The following CLCN3 variants were observed in gnomAD, a reference collection of about 807,000 sequenced individuals.
CLCN3 encodes the protein H(+)/Cl(-) exchange transporter 3.
Under a neutral mutation model 83.4 loss-of-function variants are expected in CLCN3, and 16 were observed. The observed-to-expected ratio is 0.19, with a 90% CI of 0.13 to 0.29. The LOEUF (loss-of-function observed/expected upper bound fraction) is 0.29, where lower values mean the gene tolerates loss of function less well. CLCN3 is among the 10% of genes least tolerant of loss of function. The probability of loss-of-function intolerance (pLI) is 1.00; values close to 1 mark genes in which losing one functional copy is unlikely to be tolerated. For missense variants in CLCN3, 544 were observed against 1,006.0 expected (o/e 0.54, Z 6.21); for synonymous variants, 322 against 346.2 (o/e 0.93, Z 0.78).
chr4:169,673,048 G>A (rs1731539512), intron 2 of CLCN3, among the ~76,000 whole-genome samples: 1 of 152,168 alleles, frequency 6.6e-6, no homozygotes, highest in Non-Finnish European at 1.5e-5. Flanking sequence ...TAAAGCTATT[G>A]TTATTGTTAG....
chr4:169,670,092 A>G (rs189273504), intron 2 of CLCN3, among the ~76,000 whole-genome samples: 12 of 152,234 alleles, frequency 7.9e-5, no homozygotes, highest in Admixed American at 2.0e-4. Flanking sequence ...TTCTGATGAT[A>G]GTTTCTTTTA....
rs1468702208 is a variant in CLCN3 at position 169,721,207 on chromosome 4, A to G, written c.*1210A>G. Reference sequence around the variant, plus strand: ...TATATTTTTATGGATTAAAATTTATAAAATACAGATCAGTTAATATTGCAC... The same window carrying G: ...TATATTTTTATGGATTAAAATTTATGAAATACAGATCAGTTAATATTGCAC... On this transcript the variant is annotated 3_prime_UTR_variant, in exon 13 of 13. Coordinates refer to ENST00000513761, the MANE Select transcript of CLCN3 (RefSeq NM_001829.4). The G allele has an allele frequency of 1.3e-5, 2 of 152,256 alleles. No homozygotes were observed. The highest frequency in any genetic ancestry group is 2.4e-5 in the African/African-American group (1 of 41,470). The allele number at this position is 152,256 out of a possible 1,614,324, so 9.4% of individuals were successfully genotyped here.
chr4:169,667,869 C>T (rs1731302967), intron 2 of CLCN3, among the ~76,000 whole-genome samples: 2 of 151,438 alleles, frequency 1.3e-5, no homozygotes, highest in Non-Finnish European at 2.9e-5. Flanking sequence ...CCTCAGCTTC[C>T]CGAGTAGCTG....
chr4:169,696,059 G>C (rs1732548217), intron 8 of CLCN3, among the ~76,000 whole-genome samples: 1 of 151,956 alleles, frequency 6.6e-6, no homozygotes, highest in Non-Finnish European at 1.5e-5. Flanking sequence ...TGGCCAGGCT[G>C]TTTTTTTGTG....
At chr4:169,706,413 A>G (rs1175177484) in intron 10 of CLCN3, among the ~76,000 whole-genome samples, 1 of 152,172 alleles carries the variant, frequency 6.6e-6, no homozygotes, top group East Asian at 1.9e-4. Flanking sequence ...TTTGAAAAAA[A>G]TTTAGAGGAG....
At chr4:169,672,408 G>A (rs1731503544) in intron 2 of CLCN3, among the ~76,000 whole-genome samples, 1 of 151,990 alleles carries the variant, frequency 6.6e-6, no homozygotes, top group Non-Finnish European at 1.5e-5. Context: ...CCGAAGTGCT[G>A]GGATTACAGG....
intron 9 of CLCN3, among the ~76,000 whole-genome samples, chr4:169,701,708 T>G (rs1339835803): frequency 6.6e-6 from 1 of 152,134 alleles, no homozygotes; most frequent in Non-Finnish European, 1.5e-5. Context: ...AGTTTATTAT[T>G]AAAAAGCTTT....
At chr4:169,689,421 T>C (rs2150248063) in intron 5 of CLCN3, among the ~76,000 whole-genome samples, 191 bp downstream of exon 5, 1 of 152,328 alleles carries the variant, frequency 6.6e-6, no homozygotes, top group Non-Finnish European at 1.5e-5. Context: ...GTTAACTGCA[T>C]AGTCATATAA....
At chr4:169,634,563 A>G (rs1773458467) in intron 1 of CLCN3, among the ~76,000 whole-genome samples, 1 of 152,224 alleles carries the variant, frequency 6.6e-6, no homozygotes, top group South Asian at 2.1e-4. Flanking sequence ...ATCTCATCTC[A>G]GTATAATATG....
Position 169,707,055 on chromosome 4 carries a change from A to G in CLCN3, c.1938A>G (p.Glu646=), listed in dbSNP as rs750318734. 1.2e-6 allele frequency: 2 copies of G among 1,614,036 alleles called. No homozygotes were observed. Among genetic ancestry groups the G allele is most frequent in the South Asian group, 2.2e-5 (2 of 91,080 alleles). Residue 646 remains glutamate, a synonymous_variant, in exon 11 of 13, where the codon GAA becomes GAG. Coordinates refer to ENST00000513761, the MANE Select transcript of CLCN3 (RefSeq NM_001829.4). ...LNGYPFLDAK[E]EFTHTTLAAD... ...GATACCCTTTCTTGGATGCAAAAGA[A>G]GAATTCACTCATACCACCCTGGCTG...
intron 9 of CLCN3, among the ~76,000 whole-genome samples, chr4:169,703,795 A>G (rs1337010202): frequency 1.3e-5 from 2 of 151,774 alleles, no homozygotes; most frequent in Admixed American, 1.3e-4. Flanking sequence ...TGTTTGGCCT[A>G]GAGAATGTGG....
At position 169,706,974 on chromosome 4, in the gene CLCN3, G is replaced by C; in HGVS notation, c.1857G>C (p.Trp619Cys). The C allele has an allele frequency of 6.2e-7, 1 of 1,614,166 alleles. No homozygotes were observed. Among genetic ancestry groups the C allele is most frequent in the Non-Finnish European group, 8.5e-7 (1 of 1,180,014 alleles). Reference sequence around the variant, plus strand: ...TGGCTGCAGTCATGACCAGTAAATGGGTTGGAGATGCCTTTGGCAGGGAAG... The same window carrying C: ...TGGCTGCAGTCATGACCAGTAAATGCGTTGGAGATGCCTTTGGCAGGGAAG... The part of the protein sequence containing the change: ...PLMAAVMTSK[W>C]VGDAFGREGI... The change falls in exon 11 of 13, where the codon TGG (tryptophan) becomes TGC (cysteine). Residue 619 changes from tryptophan to cysteine, a missense_variant. Trp to Cys is a radical substitution (Grantham distance 215). This residue lies in a region of CLCN3 where 27 missense variants were observed against 100.2 expected (regional missense o/e 0.27). Transcript: ENST00000513761.
chr4:169,679,811 G>A (rs1196308024), intron 2 of CLCN3, among the ~76,000 whole-genome samples: 3 of 152,148 alleles, frequency 2.0e-5, no homozygotes, highest in Non-Finnish European at 4.4e-5. Flanking sequence ...AATCAGGCAG[G>A]GAGGTTGCAG....
intron 2 of CLCN3, among the ~76,000 whole-genome samples, chr4:169,640,100 TAGC>T (rs1404691694): frequency 1.3e-5 from 2 of 152,238 alleles, no homozygotes; most frequent in Non-Finnish European, 2.9e-5. Flanking sequence ...ATAGAATCCT[TAGC>T]AGTGTGACTG....
chr4:169,670,853 C>G (rs1184469222), intron 2 of CLCN3, among the ~76,000 whole-genome samples: 3 of 152,042 alleles, frequency 2.0e-5, no homozygotes, highest in African/African-American at 4.8e-5. Context: ...TTGTACTCAT[C>G]ATCACTGATC....
rs138767308 is a variant in CLCN3 at position 169,673,486 on chromosome 4, C to T, written c.161-6564C>T. Among the ~76,000 whole-genome samples, 117 of 152,172 alleles carry T rather than the reference C, an allele frequency of 7.7e-4. 1 individual carries two copies. Among genetic ancestry groups the T allele is most frequent in the East Asian group, 2.7e-3 (14 of 5,186 alleles). On this transcript the variant is annotated intron_variant, in intron 2 of 12. Coordinates refer to ENST00000513761, the MANE Select transcript of CLCN3 (RefSeq NM_001829.4). ...ATATTTTGTTTGCTTATTATCTTCA[C>T]GCTGTAAATAGCTTGAAAATTCTTT... is the stretch of plus-strand genomic sequence containing the variant.
intron 8 of CLCN3, among the ~76,000 whole-genome samples, chr4:169,696,150 C>T (rs759853422): frequency 5.9e-5 from 9 of 152,078 alleles, no homozygotes; most frequent in East Asian, 5.8e-4. Flanking sequence ...AGTGCAATGG[C>T]GCGATCTTGG....
At chr4:169,625,304 G>C (rs13127570) in intron 1 of CLCN3, among the ~76,000 whole-genome samples, 1 of 152,096 alleles carries the variant, frequency 6.6e-6, no homozygotes, top group African/African-American at 2.4e-5. Context: ...GCTTAACAGA[G>C]AGTTGACTGA....
At chr4:169,633,734 T>A (rs1010812503) in intron 1 of CLCN3, among the ~76,000 whole-genome samples, 1 of 152,258 alleles carries the variant, frequency 6.6e-6, no homozygotes, top group African/African-American at 2.4e-5. Context: ...TTTAACCCAA[T>A]GGATCTAAAA....
Sources: allele counts gnomAD v4.1 joint callset (sites outside exome capture counted in the v4.1 genomes callset), GRCh38; gene constraint gnomAD v4.1.1; regional missense constraint gnomAD v4.1.1; transcripts MANE v1.5; gene names NCBI Gene and HGNC (gene_info 2026-07-23, HGNC 2026-07-21).